Variants in FMN2 observed in about 807,000 individuals in gnomAD.
The protein encoded by FMN2 is formin 2, also known as formin-2.
FMN2 carries 51 observed loss-of-function variants against 142.3 expected under a neutral mutation model. The ratio of observed to expected loss-of-function variants is 0.36; its 90% CI spans 0.29 to 0.45. The LOEUF (loss-of-function observed/expected upper bound fraction) is 0.45. Among genes scored for constraint, FMN2 ranks in the 20% least tolerant of loss-of-function variants. The pLI, the probability that FMN2 is intolerant of heterozygous loss-of-function variation, is 1.00. For synonymous variants in FMN2, 882 were observed against 869.8 expected (o/e 1.01, Z -0.25); for missense variants, 1,936 against 2,122.8 (o/e 0.91, Z 1.73).
At position 240,092,306 on chromosome 1, in the gene FMN2, G is replaced by C; in HGVS notation, c.197G>C (p.Ser66Thr). 2 of 1,599,800 alleles carry C rather than the reference G, an allele frequency of 1.3e-6. No individual in the cohort carries two copies. Among genetic ancestry groups the C allele is most frequent in the African/African-American group, 1.3e-5 (1 of 74,738 alleles). Residue 66 changes from serine (S) to threonine (T), a missense_variant, in exon 1 of 18, where the codon AGC becomes ACC. Ser to Thr is a moderately conservative substitution (Grantham distance 58). Transcript: ENST00000319653. ...GGCGGGGAGTCGGGCAAGAAGAAGA[G>C]CAAGTCCGACTCCAGAGCCTCGGTG... is the stretch of plus-strand genomic sequence containing the variant. ...GGGGESGKKK[S>T]KSDSRASVFS...
chr1:240,386,555 C>T (rs1673412273), intron 14 of FMN2, among the ~76,000 whole-genome samples: 1 of 152,166 alleles, frequency 6.6e-6, no homozygotes, highest in Non-Finnish European at 1.5e-5. Context: ...CCATTTGGAA[C>T]AAGTTCAGCA....
intron 7 of FMN2, among the ~76,000 whole-genome samples, chr1:240,267,104 A>G (rs1031773923): frequency 3.3e-5 from 5 of 152,154 alleles, no homozygotes; most frequent in Admixed American, 6.6e-5. Context: ...AGTGGAACCT[A>G]ATTAAACTAA....
At chr1:240,299,949 G>T (rs1670140060) in intron 8 of FMN2, among the ~76,000 whole-genome samples, 1 of 152,136 alleles carries the variant, frequency 6.6e-6, no homozygotes, top group Non-Finnish European at 1.5e-5. Flanking sequence ...CTGTATGAAG[G>T]CACATTTGTG....
chr1:240,160,976 C>T (rs930612337), intron 2 of FMN2, among the ~76,000 whole-genome samples: 4 of 151,978 alleles, frequency 2.6e-5, no homozygotes, highest in Non-Finnish European at 4.4e-5. Flanking sequence ...ACATTTAAGA[C>T]AGTATTAAAA....
intron 8 of FMN2, among the ~76,000 whole-genome samples, chr1:240,328,167 A>AAAAAAAGAAAAAG (rs1558435720): frequency 7.1e-6 from 1 of 141,076 alleles, no homozygotes; most frequent in Non-Finnish European, 1.5e-5. Context: ...AAAAAAAAAA[A>AAAAAAAGAAAAAG]AAAAAGAAAA....
intron 4 of FMN2, among the ~76,000 whole-genome samples, chr1:240,191,212 T>C (rs552056360): frequency 3.5e-4 from 53 of 152,378 alleles, no homozygotes; most frequent in African/African-American, 1.2e-3. Flanking sequence ...TCTGAGCACA[T>C]TGGAATTTAT....
chr1:240,376,368 G>A (rs1673042581), intron 14 of FMN2, among the ~76,000 whole-genome samples: 1 of 151,746 alleles, frequency 6.6e-6, no homozygotes. Context: ...CTTTATATTT[G>A]TCTACTATTT....
At chr1:240,333,381 T>C (rs1349373629) in intron 11 of FMN2, among the ~76,000 whole-genome samples, 1 of 152,144 alleles carries the variant, frequency 6.6e-6, no homozygotes, top group African/African-American at 2.4e-5. Flanking sequence ...TTACTTAGTA[T>C]TGGAATGGTT....
At chr1:240,471,342 A>C (rs1021900576) in intron 16 of FMN2, among the ~76,000 whole-genome samples, 16 of 151,812 alleles carry the variant, frequency 1.1e-4, no homozygotes, top group Non-Finnish European at 1.9e-4. Flanking sequence ...AATAATTTTA[A>C]GTAAGCATGG....
chr1:240,430,954 A>C (rs980425129), intron 15 of FMN2, among the ~76,000 whole-genome samples: 1 of 151,278 alleles, frequency 6.6e-6, no homozygotes, highest in African/African-American at 2.4e-5. Flanking sequence ...TTTTTACATA[A>C]ATTTTAGAAT....
chr1:240,429,585 T>G (rs755245498), intron 15 of FMN2, among the ~76,000 whole-genome samples: 2 of 152,232 alleles, frequency 1.3e-5, no homozygotes, highest in African/African-American at 2.4e-5. Flanking sequence ...TACTTCACAC[T>G]TCTCTGAAGA....
chr1:240,305,198 T>C (rs1444458239), intron 8 of FMN2, among the ~76,000 whole-genome samples: 1 of 152,214 alleles, frequency 6.6e-6, no homozygotes, highest in Admixed American at 6.5e-5. Context: ...TGAGATTTAG[T>C]CAGATTTTCC....
At chr1:240,308,800 G>A (rs60312649) in intron 8 of FMN2, among the ~76,000 whole-genome samples, 35,933 of 152,142 alleles carry the variant, frequency 0.24, 7,789 homozygotes, top group African/African-American at 0.58. Context: ...GAATTTGCCA[G>A]CGGGCTGGGT....
At chr1:240,338,979 T>C (rs75864875) in intron 13 of FMN2, among the ~76,000 whole-genome samples, 7,563 of 152,222 alleles carry the variant, frequency 0.05, 492 homozygotes, top group African/African-American at 0.15. Context: ...ACCGAGATCC[T>C]GCACATGCGC....
chr1:240,417,666 G>T (rs566719247), intron 15 of FMN2, among the ~76,000 whole-genome samples: 1 of 151,974 alleles, frequency 6.6e-6, no homozygotes, highest in Non-Finnish European at 1.5e-5. Flanking sequence ...TTTGCATATG[G>T]GAGCAACTCC....
intron 13 of FMN2, among the ~76,000 whole-genome samples, chr1:240,354,609 C>T (rs912745474): frequency 1.8e-4 from 28 of 152,118 alleles, no homozygotes; most frequent in African/African-American, 2.2e-4. Context: ...GATCTGCCTA[C>T]GCTGATCTTA....
chr1:240,412,301 C>T (rs975685652), intron 15 of FMN2, among the ~76,000 whole-genome samples: 8 of 152,010 alleles, frequency 5.3e-5, no homozygotes, highest in African/African-American at 1.5e-4. Context: ...TGAATTTTGA[C>T]GCACTTTGAG....
At chr1:240,168,038 G>A (rs1664550713) in intron 2 of FMN2, among the ~76,000 whole-genome samples, 1 of 152,172 alleles carries the variant, frequency 6.6e-6, no homozygotes, top group South Asian at 2.1e-4. Flanking sequence ...GTGACAGAGT[G>A]AGACTCTGTC....
intron 6 of FMN2, among the ~76,000 whole-genome samples, chr1:240,224,386 G>A (rs550344833): frequency 1.3e-5 from 2 of 152,046 alleles, no homozygotes; most frequent in East Asian, 1.9e-4. Flanking sequence ...CATTTGCTGA[G>A]GAGTGTTTTA....
Sources: allele counts gnomAD v4.1 joint callset (sites outside exome capture counted in the v4.1 genomes callset), GRCh38; gene constraint gnomAD v4.1.1; transcripts MANE v1.5; gene names NCBI Gene and HGNC (gene_info 2026-07-23, HGNC 2026-07-21).